Variants in ZNF484 observed in about 807,000 individuals in gnomAD.
ZNF484 encodes the protein zinc finger protein 484.
In ZNF484, 11 loss-of-function variants were observed where a neutral mutation model predicts 12.9. That is an observed-to-expected ratio of 0.85 (90% CI 0.54 to 1.41). The LOEUF is 1.41. ZNF484 is among the 40% of genes most tolerant of loss of function. The probability of loss-of-function intolerance (pLI) is 0.00; values close to 1 mark genes in which losing one functional copy is unlikely to be tolerated. For synonymous variants in ZNF484, 289 were observed against 334.1 expected (o/e 0.86, Z 1.47); for missense variants, 807 against 1,007.7 (o/e 0.80, Z 2.70).
chr9:92,866,452 TGCC>T (rs1857078211), intron 2 of ZNF484, among the ~76,000 whole-genome samples: 3 of 152,196 alleles, frequency 2.0e-5, no homozygotes, highest in African/African-American at 4.8e-5. Flanking sequence ...TACCATCTCA[TGCC>T]AGTCAGAATG....
At chr9:92,857,432 CA>C (rs1338529501) in intron 2 of ZNF484, among the ~76,000 whole-genome samples, 1 of 152,126 alleles carries the variant, frequency 6.6e-6, no homozygotes, top group East Asian at 1.9e-4. Flanking sequence ...AACACATGGC[CA>C]TTTTCCCCTC....
intron 4 of ZNF484, among the ~76,000 whole-genome samples, chr9:92,854,329 A>G (rs571970275): frequency 6.6e-6 from 1 of 152,350 alleles, no homozygotes; most frequent in South Asian, 2.1e-4. Context: ...CCGTAGAGTG[A>G]CACAGCCAAT....
rs1385249346 is a variant in ZNF484 at position 92,873,467 on chromosome 9, T to C, written c.15+1548A>G. 3.3e-5 allele frequency among the ~76,000 whole-genome samples: 5 copies of C among 152,122 alleles called. No homozygotes were observed. In the East Asian group the frequency reaches 9.6e-4, roughly 29 times the overall value. Reference sequence around the variant, plus strand: ...ACAAACTACCACAACCCTCTCAATATTAAATAGACAATGTGAATAGCCCTG... The same window carrying C: ...ACAAACTACCACAACCCTCTCAATACTAAATAGACAATGTGAATAGCCCTG... On this transcript the variant is annotated intron_variant, in intron 2 of 4. Coordinates refer to ENST00000375495, the MANE Select transcript of ZNF484 (RefSeq NM_031486.4).
rs371771149 is a variant in ZNF484, at chr9:92,862,168, GA to G, written c.16-5851del. On this transcript the variant is annotated intron_variant, in intron 2 of 4. Transcript: ENST00000375495. The stretch of plus-strand genomic sequence containing the variant: ...CCATTGGTAGTTGAGAAAGAAGTCT[GA>G]AAAAAAAAATAAAAAAAGAATTAAC... 1.8e-3 allele frequency: 1,603 copies of G among 915,854 alleles called. 15 individuals carry two copies. In the African/African-American group the frequency reaches 0.019, roughly 11 times the overall value. The allele number at this position is 915,854 out of a possible 1,614,324, so 56.7% of individuals were successfully genotyped here.
rs771306097 is a variant in ZNF484, at chr9:92,846,486, A to G, written c.2301T>C (p.His767=). Residue 767 remains histidine (H), a synonymous_variant, in exon 5 of 5, where the codon CAT becomes CAC. Transcript: ENST00000375495. ...FIKKSQLHEH[H]RIHTGEKPYI... ...ATGGTTTCTCTCCTGTGTGAATTCG[A>G]TGATGCTCATGGAGTTGTGATTTCT... is the stretch of plus-strand genomic sequence containing the variant. 3 of 1,612,444 alleles carry G rather than the reference A, an allele frequency of 1.9e-6. No individual in the cohort carries two copies. In the Admixed American group the frequency reaches 5.0e-5, roughly 27 times the overall value.
Position 92,848,416 on chromosome 9 carries a change from T to G in ZNF484, c.371A>C (p.His124Pro). ...ILEELWKDDE[H>P]TRKCGENQNK... ...CTGGTTTTCTCCACATTTTCTTGTGTGTTCATCGTCTTTCCACAATTCTTC... is the reference window on the plus strand; with the variant it reads ...CTGGTTTTCTCCACATTTTCTTGTGGGTTCATCGTCTTTCCACAATTCTTC... The change falls in exon 5 of 5, where the codon CAC becomes CCC. Residue 124 changes from histidine (H) to proline (P), a missense_variant. Coordinates refer to ENST00000375495, the MANE Select transcript of ZNF484 (RefSeq NM_031486.4). The surrounding 1 kb of genome is among the most constrained non-coding windows in gnomAD (Gnocchi z 4.1). 1 of 1,614,200 alleles carries G rather than the reference T, an allele frequency of 6.2e-7. No homozygotes were observed.
Position 92,847,596 on chromosome 9 carries a change from T to C in ZNF484, c.1191A>G (p.Ser397=), listed in dbSNP as rs142693564. The part of the protein sequence containing the change: ...TECGKAFTRK[S]TLSMHQKIHT... Reference sequence around the variant, plus strand: ...GGATTTTCTGATGCATACTTAGTGTTGATTTCCTTGTGAAAGCTTTTCCAC... The same window carrying C: ...GGATTTTCTGATGCATACTTAGTGTCGATTTCCTTGTGAAAGCTTTTCCAC... Residue 397 remains serine (S), a synonymous_variant, in exon 5 of 5, where the codon TCA becomes TCG. Transcript: ENST00000375495. The C allele has an allele frequency of 6.2e-7, 1 of 1,614,146 alleles. No individual in the cohort carries two copies. The highest frequency in any genetic ancestry group is 8.5e-7 in the Non-Finnish European group (1 of 1,180,024).
At chr9:92,871,151 G>A (rs1446569084) in intron 2 of ZNF484, among the ~76,000 whole-genome samples, 2 of 152,082 alleles carry the variant, frequency 1.3e-5, no homozygotes, top group African/African-American at 4.8e-5. Context: ...ATTTCATAAG[G>A]ATTTTAAAGT....
intron 4 of ZNF484, among the ~76,000 whole-genome samples, chr9:92,855,435 A>T (rs1856377164): frequency 6.6e-6 from 1 of 152,198 alleles, no homozygotes; most frequent in African/African-American, 2.4e-5. Flanking sequence ...TAGATCTATG[A>T]GTATTTGAAT....
At chr9:92,855,190 T>G (rs1405452721) in intron 4 of ZNF484, among the ~76,000 whole-genome samples, 1 of 152,084 alleles carries the variant, frequency 6.6e-6, no homozygotes, top group Non-Finnish European at 1.5e-5. Flanking sequence ...AAAAACTTTG[T>G]GTAAGATATG....
At chr9:92,852,529 CT>C (rs760841960) in intron 4 of ZNF484, among the ~76,000 whole-genome samples, 9,080 of 63,368 alleles carry the variant, frequency 0.14, 169 homozygotes, top group Non-Finnish European at 0.17. Context: ...CACGCCCAGC[CT>C]TTTTTTTTTT....
intron 2 of ZNF484, among the ~76,000 whole-genome samples, chr9:92,866,386 A>G (rs1857072720): frequency 6.6e-6 from 1 of 152,234 alleles, no homozygotes; most frequent in African/African-American, 2.4e-5. Context: ...AATCATACGA[A>G]AAAAAGCTCA....
intron 2 of ZNF484, among the ~76,000 whole-genome samples, chr9:92,861,777 A>C (rs1003459025): frequency 6.6e-6 from 1 of 152,204 alleles, no homozygotes; most frequent in Non-Finnish European, 1.5e-5. Context: ...AGATATGAAG[A>C]AATAATAGCT....
At chr9:92,854,314 A>G (rs1856298128) in intron 4 of ZNF484, among the ~76,000 whole-genome samples, 1 of 152,238 alleles carries the variant, frequency 6.6e-6, no homozygotes, top group African/African-American at 2.4e-5. Context: ...ACAAAGTTCC[A>G]GGGACCGTAG....
intron 4 of ZNF484, among the ~76,000 whole-genome samples, chr9:92,852,186 G>A (rs1399004133): frequency 6.6e-6 from 1 of 152,198 alleles, no homozygotes; most frequent in Non-Finnish European, 1.5e-5. Context: ...ATTTAATGTA[G>A]GTTTCTCTGA....
chr9:92,867,328 G>C (rs1358406755), intron 2 of ZNF484, among the ~76,000 whole-genome samples: 1 of 151,964 alleles, frequency 6.6e-6, no homozygotes, highest in Non-Finnish European at 1.5e-5. Flanking sequence ...AAAATTTAAA[G>C]AAAATTAGCC....
chr9:92,873,204 G>A (rs1338952555), intron 2 of ZNF484, among the ~76,000 whole-genome samples: 1 of 152,204 alleles, frequency 6.6e-6, no homozygotes, highest in Non-Finnish European at 1.5e-5. Flanking sequence ...CACATAGTGA[G>A]AATCTGGTTT....
chr9:92,872,912 A>G (rs1857544218), intron 2 of ZNF484, among the ~76,000 whole-genome samples: 1 of 152,164 alleles, frequency 6.6e-6, no homozygotes, highest in Admixed American at 6.5e-5. Flanking sequence ...CAAGTGCTAA[A>G]AAAAAAAACA....
In ZNF484 at chr9:92,855,831, A is replaced by G. The variant is rs765245832; in HGVS notation, c.215T>C (p.Ile72Thr). The G allele has an allele frequency of 6.2e-7, 1 of 1,614,130 alleles. No individual in the cohort carries two copies. Among genetic ancestry groups the G allele is most frequent in the Non-Finnish European group, 8.5e-7 (1 of 1,180,010 alleles). ...QEEPCMLDGEIPSQSRPDGDI... is the reference protein window; with the variant it reads ...QEEPCMLDGETPSQSRPDGDI... ...CTCACCTGGACGGCTCTGACTGGGG[A>G]TCTCACCATCCAACATACATGGCTC... The change falls in exon 4 of 5, where the codon ATC becomes ACC. Residue 72 changes from isoleucine to threonine, a missense_variant. Coordinates refer to ENST00000375495, the MANE Select transcript of ZNF484 (RefSeq NM_031486.4).
Sources: allele counts gnomAD v4.1 joint callset (sites outside exome capture counted in the v4.1 genomes callset), GRCh38; gene constraint gnomAD v4.1.1; non-coding constraint Gnocchi (gnomAD v3.1); transcripts MANE v1.5; gene names NCBI Gene and HGNC (gene_info 2026-07-23, HGNC 2026-07-21).